NSF: variants seen among roughly 807,000 people sequenced by gnomAD.
NSF encodes vesicle-fusing ATPase.
A neutral mutation model predicts 50.3 loss-of-function variants in NSF; 14 were observed. The observed-to-expected ratio is 0.28, with a 90% CI of 0.18 to 0.44. The LOEUF (loss-of-function observed/expected upper bound fraction) is 0.44, where lower values mean the gene tolerates loss of function less well. Ranked by LOEUF, NSF falls within the 20% of genes least tolerant of loss-of-function variation. NSF has a pLI of 1.00. For missense variants in NSF, 218 were observed against 504.3 expected (o/e 0.43, Z 5.44); for synonymous variants, 109 against 175.7 (o/e 0.62, Z 3.00).
chr17:46,691,399 A>AG (rs1568032767), intron 9 of NSF, among the ~76,000 whole-genome samples: 2 of 110,768 alleles, frequency 1.8e-5, no homozygotes, highest in East Asian at 6.0e-4. Flanking sequence ...GTTCGAGACC[A>AG]GCCTGGCAAA....
intron 17 of NSF, among the ~76,000 whole-genome samples, chr17:46,746,461 A>G (rs1041832096): frequency 9.2e-5 from 14 of 152,190 alleles, no homozygotes; most frequent in African/African-American, 3.4e-4. Flanking sequence ...ACCAAACCCA[A>G]ATTGAAATTA....
At chr17:46,609,819 C>T (rs1162760865) in intron 1 of NSF, among the ~76,000 whole-genome samples, 1 of 137,012 alleles carries the variant, frequency 7.3e-6, no homozygotes, top group East Asian at 2.0e-4. Flanking sequence ...TCGGGTGTCT[C>T]ACTGTTTCTT....
At chr17:46,718,300 C>T (rs1328630167) in intron 15 of NSF, among the ~76,000 whole-genome samples, 4 of 152,118 alleles carry the variant, frequency 2.6e-5, no homozygotes, top group South Asian at 2.1e-4. Context: ...CTGGCCATGC[C>T]GGGCCAGCCC....
intron 8 of NSF, among the ~76,000 whole-genome samples, chr17:46,667,477 A>T (rs1367623248): frequency 3.0e-5 from 4 of 132,052 alleles, no homozygotes; most frequent in Admixed American, 7.8e-5. Flanking sequence ...TTTTTTTTTT[A>T]AGAAATCTTT....
intron 9 of NSF, among the ~76,000 whole-genome samples, chr17:46,690,624 A>AAAAAAT (rs1381328687): frequency 5.7e-4 from 63 of 110,914 alleles, no homozygotes; most frequent in South Asian, 1.4e-3. Flanking sequence ...AAAAAAAAAA[A>AAAAAAT]ATATATATAT....
At chr17:46,679,509 G>GT (rs1490873758) in intron 9 of NSF, among the ~76,000 whole-genome samples, 8 of 129,268 alleles carry the variant, frequency 6.2e-5, no homozygotes, top group African/African-American at 1.8e-4. Context: ...GGTCAACATG[G>GT]TGTAACCCCA....
intron 20 of NSF, 91 bp downstream of exon 20, chr17:46,755,460 G>GT (rs2059223757): frequency 9.0e-7 from 1 of 1,109,238 alleles, no homozygotes; most frequent in Admixed American, 1.8e-5. Flanking sequence ...TCCTAGATAA[G>GT]TTTGTTTCCA....
chr17:46,709,553 G>A (rs569740540), intron 13 of NSF, among the ~76,000 whole-genome samples: 1 of 151,742 alleles, frequency 6.6e-6, no homozygotes, highest in African/African-American at 2.4e-5. Context: ...GGAGTGCAGT[G>A]GCGTGATCTC....
chr17:46,667,389 G>A lies in NSF; in HGVS notation c.746-7025G>A, dbSNP rs1294048532. Among the ~76,000 whole-genome samples the A allele has an allele frequency of 2.7e-5, 4 of 146,658 alleles. No individual in the cohort carries two copies. In the Admixed American group the frequency reaches 2.8e-4, roughly 10 times the overall value. On this transcript the variant is annotated intron_variant, in intron 8 of 20. Coordinates refer to ENST00000398238, the MANE Select transcript of NSF (RefSeq NM_006178.4). ...ACACTGTCCTTTAACCTGAGATTGT[G>A]TCTACCTTTCAATACTAAAATGTAC...
chr17:46,757,125 CAT>C lies in NSF; in HGVS notation c.*1303_*1304del, dbSNP rs1347042360. 1 of 152,216 alleles carries C rather than the reference CAT, an allele frequency of 6.6e-6. No homozygotes were observed. Among genetic ancestry groups the C allele is most frequent in the Non-Finnish European group, 1.5e-5 (1 of 68,034 alleles). 9.4% of individuals were successfully genotyped at this position (152,216 alleles called of 1,614,324 possible). Reference sequence around the variant, plus strand: ...GTGTGGCTCCTCTGTTATTTGTCCTCATGTGAGAAAGCAGATCATCTCCAAAT... The same window carrying C: ...GTGTGGCTCCTCTGTTATTTGTCCTCGTGAGAAAGCAGATCATCTCCAAAT... On this transcript the variant is annotated 3_prime_UTR_variant, in exon 21 of 21. Coordinates refer to ENST00000398238, the MANE Select transcript of NSF (RefSeq NM_006178.4).
intron 19 of NSF, among the ~76,000 whole-genome samples, chr17:46,754,943 G>C (rs1328310696): frequency 1.3e-5 from 2 of 152,222 alleles, no homozygotes; most frequent in African/African-American, 2.4e-5. Context: ...TGTGACTTTA[G>C]TAGCCTTTTA....
rs1418842779 is a variant in NSF, at chr17:46,719,144, T to A, written c.1761+5158T>A. On this transcript the variant is annotated intron_variant, in intron 15 of 20. Coordinates refer to ENST00000398238, the MANE Select transcript of NSF (RefSeq NM_006178.4). The surrounding 1 kb of genome is among the most constrained non-coding windows in gnomAD (Gnocchi z 4.3). The stretch of plus-strand genomic sequence containing the variant: ...CAGAAGGTTGGCATTTAGTTATTTC[T>A]TTAGCTACATTTCAATGACTAAATG... Among the ~76,000 whole-genome samples the A allele has an allele frequency of 6.6e-6, 1 of 152,232 alleles. No homozygotes were observed. The highest frequency in any genetic ancestry group is 6.5e-5 in the Admixed American group (1 of 15,280).
rs1221752612 is a variant in NSF, at chr17:46,605,363, G to C, written c.12+14576G>C. Reference sequence around the variant, plus strand: ...CTCAGGAGGCTGAGGCAGGAGAATTGCTTGAACCTGGGAGGTGGAGGTTGC... The same window carrying C: ...CTCAGGAGGCTGAGGCAGGAGAATTCCTTGAACCTGGGAGGTGGAGGTTGC... On this transcript the variant is annotated intron_variant, in intron 1 of 20. Transcript: ENST00000398238. Among the ~76,000 whole-genome samples the C allele has an allele frequency of 9.1e-4, 109 of 120,290 alleles. No homozygotes were observed. In the Middle Eastern group the frequency reaches 0.018, roughly 20 times the overall value. 78.9% of individuals were successfully genotyped at this position (120,290 alleles called of 152,430 possible).
chr17:46,636,986 C>T (rs1042612749), intron 4 of NSF, among the ~76,000 whole-genome samples: 3 of 152,150 alleles, frequency 2.0e-5, no homozygotes, highest in Non-Finnish European at 4.4e-5. Flanking sequence ...TCCCAAGAAG[C>T]TGGGACTACA....
At chr17:46,679,704 AAAG>A (rs1324806978) in intron 9 of NSF, among the ~76,000 whole-genome samples, 2 of 151,692 alleles carry the variant, frequency 1.3e-5, no homozygotes, top group Admixed American at 6.6e-5. Context: ...AAAAAAAAAA[AAAG>A]AAGCTAATAA....
intron 17 of NSF, among the ~76,000 whole-genome samples, chr17:46,738,218 GCCATTACAC>G (rs1207000037): frequency 6.6e-6 from 1 of 152,098 alleles, no homozygotes; most frequent in East Asian, 1.9e-4. Flanking sequence ...ACAGGTGTGA[GCCATTACAC>G]CCAGCCTAAA....
chr17:46,734,027 A>T (rs1196841616), intron 17 of NSF, among the ~76,000 whole-genome samples: 1 of 152,142 alleles, frequency 6.6e-6, no homozygotes, highest in Non-Finnish European at 1.5e-5. Context: ...TTTCTGCATG[A>T]GTTTTGTTTT....
At position 46,713,854 on chromosome 17, in the gene NSF, C is replaced by A. The variant is rs1332067069; in HGVS notation, c.1629C>A (p.Gly543=). 7 of 1,609,714 alleles carry A rather than the reference C, an allele frequency of 4.3e-6. No homozygotes were observed. The highest frequency in any genetic ancestry group is 1.3e-5 in the African/African-American group (1 of 74,658). ...RTPLVSVLLE[G]PPHSGKTALA... Reference sequence around the variant, plus strand: ...TGACTTGCTCATATCTTTATGCAGGCCCTCCTCACAGTGGGAAGACTGCTT... The same window carrying A: ...TGACTTGCTCATATCTTTATGCAGGACCTCCTCACAGTGGGAAGACTGCTT... The change falls in exon 15 of 21, where the codon GGC becomes GGA. Residue 543 remains glycine, a splice_region_variant and synonymous_variant. Transcript: ENST00000398238.
chr17:46,746,027 T>C (rs918594995), intron 17 of NSF, among the ~76,000 whole-genome samples: 2 of 152,200 alleles, frequency 1.3e-5, no homozygotes, highest in Non-Finnish European at 2.9e-5. Flanking sequence ...GAAAAAGCTT[T>C]CTCTGCCACG....
Sources: allele counts gnomAD v4.1 joint callset (sites outside exome capture counted in the v4.1 genomes callset), GRCh38; gene constraint gnomAD v4.1.1; non-coding constraint Gnocchi (gnomAD v3.1); transcripts MANE v1.5; gene names NCBI Gene and HGNC (gene_info 2026-07-23, HGNC 2026-07-21).